ARHGAP22: variants seen among roughly 807,000 people sequenced by gnomAD.
ARHGAP22 encodes the protein Rho GTPase activating protein 22.
In ARHGAP22, 48 loss-of-function variants were observed where a neutral mutation model predicts 59.1. The observed-to-expected ratio is 0.81, with a 90% CI of 0.64 to 1.03. The LOEUF (loss-of-function observed/expected upper bound fraction) is 1.03. Among genes scored for constraint, ARHGAP22 ranks in the 50% least tolerant of loss-of-function variants. ARHGAP22 has a pLI of 0.00. For missense variants in ARHGAP22, 1,015 were observed against 958.7 expected (o/e 1.06, Z -0.78); for synonymous variants, 445 against 416.4 (o/e 1.07, Z -0.84).
chr10:48,583,182 T>A (rs375604768), intron 1 of ARHGAP22, 30 bp from the exon 2 acceptor site: 227 of 1,599,664 alleles, frequency 1.4e-4, no homozygotes, highest in Middle Eastern at 2.0e-4. Flanking sequence ...AGAGTGAGCA[T>A]GAAGGCAGCG....
chr10:48,592,193 T>C (rs2059799895), intron 1 of ARHGAP22, among the ~76,000 whole-genome samples: 1 of 152,198 alleles, frequency 6.6e-6, no homozygotes, highest in Non-Finnish European at 1.5e-5. Context: ...TTTCTCTCAC[T>C]CTCTCTTTTA....
intron 3 of ARHGAP22, among the ~76,000 whole-genome samples, chr10:48,517,114 G>C (rs748620781): frequency 1.3e-5 from 2 of 152,204 alleles, no homozygotes; most frequent in Non-Finnish European, 2.9e-5. Flanking sequence ...CTACCAACAG[G>C]CATGGGGTTT....
chr10:48,430,996 A>G, the ARHGAP22 span: 4 of 602,336 alleles, frequency 6.6e-6, no homozygotes, highest in African/African-American at 1.9e-5. Context: ...TCCTTTTAAT[A>G]TGATCCATTG....
At chr10:48,582,369 C>A (rs1213647121) in intron 2 of ARHGAP22, among the ~76,000 whole-genome samples, 1 of 152,184 alleles carries the variant, frequency 6.6e-6, no homozygotes, top group Non-Finnish European at 1.5e-5. Context: ...CAGAGTACCT[C>A]ATTATGACGT....
At chr10:48,460,175 G>A (rs1302379346) in intron 4 of ARHGAP22, among the ~76,000 whole-genome samples, 3 of 152,172 alleles carry the variant, frequency 2.0e-5, no homozygotes, top group Non-Finnish European at 4.4e-5. Flanking sequence ...CCCAAGCCAG[G>A]AGCAAATGGC....
downstream of ARHGAP22, among the ~76,000 whole-genome samples, chr10:48,443,610 A>G (rs2133465434): frequency 6.6e-6 from 1 of 152,230 alleles, no homozygotes; most frequent in South Asian, 2.1e-4. Context: ...CTTAGCTAGG[A>G]ACTCAAGACA....
chr10:48,583,285 C>A (rs1306411541), intron 1 of ARHGAP22, 133 bp from the exon 2 acceptor site: 2 of 1,025,134 alleles, frequency 2.0e-6, no homozygotes, highest in Non-Finnish European at 2.8e-6. Context: ...AGCAGCTGGG[C>A]CTACTTCCCC....
intron 2 of ARHGAP22, among the ~76,000 whole-genome samples, chr10:48,561,786 T>C (rs1378539034): frequency 2.0e-5 from 3 of 152,242 alleles, no homozygotes; most frequent in South Asian, 4.1e-4. Flanking sequence ...CATAATTGGA[T>C]ACCACTACAT....
At chr10:48,520,051 C>G (rs575824937) in intron 3 of ARHGAP22, among the ~76,000 whole-genome samples, 3 of 152,274 alleles carry the variant, frequency 2.0e-5, no homozygotes, top group African/African-American at 7.2e-5. Flanking sequence ...GGCAGGAGCA[C>G]AGGAGCCATC....
chr10:48,448,336 C>T (rs1001913088), intron 9 of ARHGAP22, among the ~76,000 whole-genome samples: 10 of 152,186 alleles, frequency 6.6e-5, no homozygotes, highest in African/African-American at 2.2e-4. Context: ...TGTTCCCCTC[C>T]TTCATCTCCC....
At chr10:48,581,691 C>T (rs2059130470) in intron 2 of ARHGAP22, among the ~76,000 whole-genome samples, 1 of 152,164 alleles carries the variant, frequency 6.6e-6, no homozygotes, top group South Asian at 2.1e-4. Flanking sequence ...CTATTTGAAC[C>T]ACTTTTAAAT....
At chr10:48,562,895 C>T (rs997030020) in intron 2 of ARHGAP22, among the ~76,000 whole-genome samples, 6 of 152,130 alleles carry the variant, frequency 3.9e-5, no homozygotes, top group Non-Finnish European at 2.9e-5. Flanking sequence ...AAAAATGTAG[C>T]GGCTCAAAAC....
intron 2 of ARHGAP22, among the ~76,000 whole-genome samples, chr10:48,573,139 G>A (rs1395111167): frequency 6.6e-6 from 1 of 152,192 alleles, no homozygotes; most frequent in African/African-American, 2.4e-5. Context: ...GGCGAGGTTG[G>A]AGCCATGTCG....
intron 8 of ARHGAP22, 62 bp from the exon 9 acceptor site, chr10:48,451,202 C>G: frequency 6.5e-7 from 1 of 1,546,866 alleles, no homozygotes; most frequent in Non-Finnish European, 8.7e-7. Context: ...GCTCGCTCTG[C>G]CAGTCATGGA....
At chr10:48,600,454 A>G (rs1014925518) in intron 1 of ARHGAP22, among the ~76,000 whole-genome samples, 1 of 152,108 alleles carries the variant, frequency 6.6e-6, no homozygotes, top group African/African-American at 2.4e-5. Flanking sequence ...CACTGAGAGA[A>G]CACTTAAGAT....
At chr10:48,490,965 T>C (rs1243324674) in intron 3 of ARHGAP22, among the ~76,000 whole-genome samples, 1 of 152,192 alleles carries the variant, frequency 6.6e-6, no homozygotes, top group African/African-American at 2.4e-5. Context: ...CTTCAGAACA[T>C]AGCTGCAATC....
At chr10:48,555,949 G>A (rs2057280910) in intron 2 of ARHGAP22, among the ~76,000 whole-genome samples, 1 of 152,202 alleles carries the variant, frequency 6.6e-6, no homozygotes, top group South Asian at 2.1e-4. Context: ...ATGGGGGAAA[G>A]GATCAACAGA....
In ARHGAP22 at chr10:48,490,230, A is replaced by T. The variant is rs75231248; in HGVS notation, c.323-10466T>A. ...GCTTAGTCCCTGGCAGCTGGCAAGC[A>T]CTGTCTAAGTGTTCCCTTTTATTAT... On this transcript the variant is annotated intron_variant, in intron 3 of 9. Coordinates refer to ENST00000249601, the MANE Select transcript of ARHGAP22 (RefSeq NM_021226.4). Among the ~76,000 whole-genome samples, 1,301 of 152,274 alleles carry T rather than the reference A, an allele frequency of 8.5e-3. 19 individuals are homozygous for T. The highest frequency in any genetic ancestry group is 0.03 in the African/African-American group (1,242 of 41,532).
At chr10:48,531,340 G>A (rs1377697600) in intron 3 of ARHGAP22, among the ~76,000 whole-genome samples, 2 of 152,162 alleles carry the variant, frequency 1.3e-5, no homozygotes, top group Admixed American at 6.5e-5. Context: ...GAGGTGATGG[G>A]TGCACCAAAA....
Sources: gnomAD v4.1 joint callset for allele counts (sites outside exome capture counted in the v4.1 genomes callset) on GRCh38, gnomAD v4.1.1 for gene constraint, MANE v1.5 for transcripts, NCBI Gene and HGNC (gene_info 2026-07-23, HGNC 2026-07-21) for gene names.